The following DOCK9 variants were observed in gnomAD, a reference collection of about 807,000 sequenced individuals.
DOCK9 encodes the protein dedicator of cytokinesis protein 9.
In DOCK9, 89 loss-of-function variants were observed where a neutral mutation model predicts 263.3. That is an observed-to-expected ratio of 0.34 (90% CI 0.28 to 0.40). The LOEUF is 0.40. Among genes scored for constraint, DOCK9 ranks in the 10% least tolerant of loss-of-function variants. The probability of loss-of-function intolerance (pLI) is 1.00; values close to 1 mark genes in which losing one functional copy is unlikely to be tolerated. For synonymous variants in DOCK9, 976 were observed against 973.1 expected, an observed-to-expected ratio of 1.00 and a Z score of -0.06; for missense variants, 2,140 against 2,603.4, an observed-to-expected ratio of 0.82 and a Z score of 3.87.
At chr13:98,964,374 T>C (rs1360811949) in intron 1 of DOCK9, among the ~76,000 whole-genome samples, 2 of 152,080 alleles carry the variant, frequency 1.3e-5, no homozygotes, top group Non-Finnish European at 2.9e-5. Flanking sequence ...CCCAATTATG[T>C]GGGGTGCTTC....
intron 1 of DOCK9, among the ~76,000 whole-genome samples, chr13:99,085,758 C>T (rs1341369954): frequency 2.0e-5 from 3 of 151,834 alleles, no homozygotes; most frequent in African/African-American, 4.8e-5. Context: ...AGGGGCATCT[C>T]CCACCCTGAG....
At chr13:99,035,855 G>T (rs1887816754) in intron 1 of DOCK9, among the ~76,000 whole-genome samples, 2 of 152,166 alleles carry the variant, frequency 1.3e-5, no homozygotes, top group African/African-American at 4.8e-5. Flanking sequence ...TAAATCAATA[G>T]ACTGAGTAAA....
At chr13:99,050,417 G>T (rs1391239454) in intron 1 of DOCK9, among the ~76,000 whole-genome samples, 1 of 152,162 alleles carries the variant, frequency 6.6e-6, no homozygotes, top group Non-Finnish European at 1.5e-5. Flanking sequence ...TGTCATGACC[G>T]GGCGCAGTGG....
chr13:98,908,841 C>T (rs1471855148), intron 9 of DOCK9, among the ~76,000 whole-genome samples: 1 of 152,128 alleles, frequency 6.6e-6, no homozygotes, highest in Admixed American at 6.5e-5. Context: ...GGCAAGCACG[C>T]TTCTTTTTAA....
intron 1 of DOCK9, among the ~76,000 whole-genome samples, chr13:99,081,741 C>G (rs1432055509): frequency 6.6e-6 from 1 of 152,220 alleles, no homozygotes; most frequent in Non-Finnish European, 1.5e-5. Flanking sequence ...TAAAAGTAAT[C>G]ATAACTCAAC....
intron 1 of DOCK9, among the ~76,000 whole-genome samples, chr13:98,991,774 C>T (rs996180305): frequency 4.6e-5 from 7 of 151,820 alleles, no homozygotes; most frequent in African/African-American, 9.7e-5. Context: ...CCTAGGCAGT[C>T]GACTTTCCAA....
intron 15 of DOCK9, among the ~76,000 whole-genome samples, chr13:98,894,506 A>T (rs1324928433): frequency 1.3e-5 from 2 of 152,158 alleles, no homozygotes; most frequent in Non-Finnish European, 2.9e-5. Flanking sequence ...TAATACAGAT[A>T]TATTTTTTCT....
rs1346279996 is a variant in DOCK9 at position 98,800,422 on chromosome 13, T to C, written c.5782A>G (p.Thr1928Ala). The change falls in exon 50 of 53, where the codon ACT (threonine) becomes GCT (alanine). Residue 1928 changes from threonine (T) to alanine (A), a missense_variant. By Grantham distance (58) the Thr-to-Ala change is moderately conservative. This residue lies in a region of DOCK9 where 619 missense variants were observed against 861.8 expected (regional missense o/e 0.72). Transcript: ENST00000682017. Reference sequence around the variant, plus strand: ...GCCACCTCGATGGGGTTCAGGTCAGTGTGGTGCTGGTACATGACAGGGATG... The same window carrying C: ...GCCACCTCGATGGGGTTCAGGTCAGCGTGGTGCTGGTACATGACAGGGATG... Reference protein sequence around the residue: ...KRIPVMYQHHTDLNPIEVAID... With the variant: ...KRIPVMYQHHADLNPIEVAID... The C allele has an allele frequency of 6.2e-7, 1 of 1,613,986 alleles. No homozygotes were observed.
At chr13:99,017,443 A>G (rs555881014) in intron 1 of DOCK9, among the ~76,000 whole-genome samples, 2 of 152,352 alleles carry the variant, frequency 1.3e-5, no homozygotes, top group Non-Finnish European at 2.9e-5. Flanking sequence ...CTGGAAATGT[A>G]AAATTAATTT....
At chr13:98,891,839 G>A (rs1365540048) in intron 15 of DOCK9, among the ~76,000 whole-genome samples, 1 of 147,822 alleles carries the variant, frequency 6.8e-6, no homozygotes, top group African/African-American at 2.5e-5. Flanking sequence ...CCAGCTTTAA[G>A]TTTTTAAAAA....
exon 1 of DOCK9, chr13:99,086,296 G>T: frequency 6.7e-7 from 1 of 1,491,126 alleles, no homozygotes; most frequent in Non-Finnish European, 8.9e-7. Flanking sequence ...CTTACTCAGC[G>T]CCCGGGTGAA....
chr13:99,049,726 C>G (rs2040600132), intron 1 of DOCK9, among the ~76,000 whole-genome samples: 1 of 152,164 alleles, frequency 6.6e-6, no homozygotes, highest in Non-Finnish European at 1.5e-5. Flanking sequence ...CCATGTTGCC[C>G]AGGCTGGTCT....
intron 20 of DOCK9, 133 bp from the exon 21 acceptor site, chr13:98,885,225 C>G (rs2045496707): frequency 8.0e-7 from 1 of 1,245,760 alleles, no homozygotes; most frequent in African/African-American, 1.5e-5. Flanking sequence ...TTTAAAATGC[C>G]CTAAATGTAA....
chr13:98,972,722 G>T (rs1319296234), intron 1 of DOCK9, among the ~76,000 whole-genome samples: 1 of 152,194 alleles, frequency 6.6e-6, no homozygotes, highest in African/African-American at 2.4e-5. Context: ...TCTGAAGCAC[G>T]TCCTTCCTGG....
intron 1 of DOCK9, among the ~76,000 whole-genome samples, chr13:99,008,208 C>CTATA (rs1264001021): frequency 8.0e-4 from 58 of 72,726 alleles, no homozygotes; most frequent in East Asian, 6.5e-3. Flanking sequence ...CTCTCTCTCT[C>CTATA]TCTCTATATA....
chr13:98,948,954 G>C (rs1051322385), intron 2 of DOCK9, among the ~76,000 whole-genome samples: 2 of 152,004 alleles, frequency 1.3e-5, no homozygotes, highest in East Asian at 1.9e-4. Context: ...TTTATCCCTC[G>C]ATGGACACTT....
At chr13:99,048,604 G>T (rs11069340) in intron 1 of DOCK9, among the ~76,000 whole-genome samples, 33,327 of 152,080 alleles carry the variant, frequency 0.22, 3,647 homozygotes, top group Middle Eastern at 0.31. Context: ...CTCTCCTCCT[G>T]CTGCCCCCAT....
At chr13:98,887,143 A>ATATATATATATATATAT (rs1470080750) in intron 18 of DOCK9, among the ~76,000 whole-genome samples, 1 of 95,290 alleles carries the variant, frequency 1.0e-5, no homozygotes, top group Non-Finnish European at 2.0e-5. Flanking sequence ...ATATATATAT[A>ATATATATATATATATAT]TTTTTTTTTT....
chr13:99,015,850 C>T (rs916464412), intron 1 of DOCK9: 27 of 1,090,556 alleles, frequency 2.5e-5, no homozygotes, highest in East Asian at 3.6e-5. Context: ...TGACACACCT[C>T]GGATGCACCA....
Sources: allele counts gnomAD v4.1 joint callset (sites outside exome capture counted in the v4.1 genomes callset), GRCh38; gene constraint gnomAD v4.1.1; regional missense constraint gnomAD v4.1.1; transcripts MANE v1.5; gene names NCBI Gene and HGNC (gene_info 2026-07-23, HGNC 2026-07-21).